Variants in PDE12 observed in about 807,000 individuals in gnomAD.
PDE12 encodes the protein phosphodiesterase 12, also known as 2',5'-phosphodiesterase 12.
In PDE12, 26 loss-of-function variants were observed where a neutral mutation model predicts 45.4. The ratio of observed to expected loss-of-function variants is 0.57; its 90% CI spans 0.42 to 0.79. PDE12 has a LOEUF of 0.79. Ranked by LOEUF, PDE12 falls within the 30% of genes least tolerant of loss-of-function variation. The pLI, the probability that PDE12 is intolerant of heterozygous loss-of-function variation, is 0.00. For synonymous variants in PDE12, 283 were observed against 323.9 expected (o/e 0.87, Z 1.36); for missense variants, 668 against 790.0 (o/e 0.85, Z 1.85).
chr3:57,574,629 A>ACTCCTGGCCTCAAGCAATC, the PDE12 span, among the ~76,000 whole-genome samples: 1 of 151,606 alleles, frequency 6.6e-6, no homozygotes, highest in East Asian at 2.0e-4. Context: ...CTGGTTTGGA[A>ACTCCTGGCCTCAAGCAATC]CTCCTGGCCT....
chr3:57,571,819 A>G (rs937373796), downstream of PDE12: 1 of 171,060 alleles, frequency 5.8e-6, no homozygotes, highest in Non-Finnish European at 1.3e-5. Flanking sequence ...ATGGAATGCT[A>G]CATTTTTAAA....
chr3:57,573,862 G>A, the PDE12 span, among the ~76,000 whole-genome samples: 1 of 152,146 alleles, frequency 6.6e-6, no homozygotes, highest in Admixed American at 6.5e-5. Context: ...GATTACAGGT[G>A]TGAGCCACCA....
chr3:57,611,936 G>C, the PDE12 span, among the ~76,000 whole-genome samples: 1 of 152,100 alleles, frequency 6.6e-6, no homozygotes. Flanking sequence ...GTTATAGCAT[G>C]CCCACGTATG....
chr3:57,592,325 A>G, the PDE12 span, among the ~76,000 whole-genome samples: 2 of 152,066 alleles, frequency 1.3e-5, no homozygotes, highest in African/African-American at 4.8e-5. Flanking sequence ...CCTCTCTACT[A>G]CAAATATGAA....
Position 57,557,378 on chromosome 3 carries a change from C to T in PDE12, c.999C>T (p.Asn333=). 2.5e-6 allele frequency: 4 copies of T among 1,614,022 alleles called. No individual in the cohort carries two copies. Among genetic ancestry groups the T allele is most frequent in the Non-Finnish European group, 3.4e-6 (4 of 1,180,026 alleles). The change falls in exon 1 of 3, where the codon AAC becomes AAT. Residue 333 remains asparagine, a synonymous_variant. Transcript: ENST00000311180. ...CCCTGGAGCTCGACTACCGCCAGAA[C>T]CTTATCCAGAAGGAACTCACCGGCT... ...PYALELDYRQ[N]LIQKELTGYN... is the part of the protein sequence containing the mutation.
chr3:57,628,407 T>C, the PDE12 span: 1 of 1,551,964 alleles, frequency 6.4e-7, no homozygotes, highest in Non-Finnish European at 8.7e-7. Context: ...ATACATTACA[T>C]TCTCTAAATA....
At chr3:57,601,792 T>C in the PDE12 span, among the ~76,000 whole-genome samples, 2 of 144,096 alleles carry the variant, frequency 1.4e-5, no homozygotes, top group African/African-American at 2.6e-5. Context: ...TCACCCAGGC[T>C]GGAGTGCAGT....
the PDE12 span, among the ~76,000 whole-genome samples, chr3:57,624,154 CTT>C: frequency 9.7e-5 from 14 of 144,142 alleles, no homozygotes; most frequent in Admixed American, 2.1e-4. Context: ...TGTCTGACTA[CTT>C]TTTTTTTTTT....
the PDE12 span, among the ~76,000 whole-genome samples, chr3:57,599,615 A>C: frequency 1.3e-5 from 2 of 152,296 alleles, no homozygotes; most frequent in South Asian, 4.1e-4. Flanking sequence ...TAGCCTCCAA[A>C]ACCTGAACCA....
chr3:57,629,021 A>G, the PDE12 span: 1 of 611,574 alleles, frequency 1.6e-6, no homozygotes, highest in Non-Finnish European at 2.7e-6. Flanking sequence ...ATATAGCATT[A>G]TAGTGCAAGA....
the PDE12 span, among the ~76,000 whole-genome samples, chr3:57,576,504 C>CTTTTTTTTTT: frequency 4.9e-5 from 5 of 101,616 alleles, no homozygotes; most frequent in Non-Finnish European, 9.8e-5. Context: ...CTCAACCAAG[C>CTTTTTTTTTT]TTTTTTTTTT....
downstream of PDE12, among the ~76,000 whole-genome samples, chr3:57,567,264 A>T (rs1213603001): frequency 6.6e-6 from 1 of 151,948 alleles, no homozygotes; most frequent in Non-Finnish European, 1.5e-5. Context: ...GTGAGCTGAG[A>T]TCATGCCACT....
the PDE12 span, among the ~76,000 whole-genome samples, chr3:57,591,773 T>C: frequency 9.2e-5 from 14 of 152,110 alleles, no homozygotes; most frequent in Non-Finnish European, 2.1e-4. Flanking sequence ...CCATTATGAA[T>C]GAACTTTGAC....
At chr3:57,650,689 G>T in the PDE12 span, among the ~76,000 whole-genome samples, 1 of 151,892 alleles carries the variant, frequency 6.6e-6, no homozygotes, top group Non-Finnish European at 1.5e-5. Flanking sequence ...ACACAAATGT[G>T]GACAGTAGCA....
At chr3:57,625,176 A>T in the PDE12 span, among the ~76,000 whole-genome samples, 1 of 152,216 alleles carries the variant, frequency 6.6e-6, no homozygotes, top group Non-Finnish European at 1.5e-5. Context: ...AAGTGCTGAG[A>T]TTACAGGTAT....
the PDE12 span, among the ~76,000 whole-genome samples, chr3:57,650,746 A>G: frequency 6.6e-6 from 1 of 151,984 alleles, no homozygotes; most frequent in African/African-American, 2.4e-5. Flanking sequence ...CTGCATCAAA[A>G]GGTGAATGGA....
the PDE12 span, among the ~76,000 whole-genome samples, chr3:57,620,711 AT>A: frequency 6.6e-6 from 1 of 152,208 alleles, no homozygotes; most frequent in Non-Finnish European, 1.5e-5. Flanking sequence ...GTAAATTTAA[AT>A]TTTAAAAAAA....
At chr3:57,656,168 A>T in the PDE12 span, among the ~76,000 whole-genome samples, 4 of 152,210 alleles carry the variant, frequency 2.6e-5, no homozygotes, top group Non-Finnish European at 5.9e-5. Flanking sequence ...AAATGCCCGC[A>T]GCCCTTATGT....
chr3:57,611,405 C>CTT, the PDE12 span, among the ~76,000 whole-genome samples: 2 of 152,116 alleles, frequency 1.3e-5, no homozygotes, highest in Non-Finnish European at 2.9e-5. Context: ...AACTAAAGAG[C>CTT]TTCTGCACAG....
Sources: allele counts gnomAD v4.1 joint callset (sites outside exome capture counted in the v4.1 genomes callset), GRCh38; gene constraint gnomAD v4.1.1; transcripts MANE v1.5; gene names NCBI Gene and HGNC (gene_info 2026-07-23, HGNC 2026-07-21).